EMC8: variants seen among roughly 807,000 people sequenced by gnomAD.
The protein encoded by EMC8 is COX4 neighbor.
In EMC8, 11 loss-of-function variants were observed where a neutral mutation model predicts 24.3. The ratio of observed to expected loss-of-function variants is 0.45; its 90% CI spans 0.28 to 0.75. EMC8 has a LOEUF of 0.75. Ranked by LOEUF, EMC8 falls within the 30% of genes least tolerant of loss-of-function variation. EMC8 has a pLI of 0.12. For missense variants in EMC8, 277 were observed against 282.7 expected, an observed-to-expected ratio of 0.98 and a Z score of 0.14; for synonymous variants, 145 against 117.7, an observed-to-expected ratio of 1.23 and a Z score of -1.50.
chr16:85,799,168 G>A lies in EMC8; in HGVS notation c.128C>T (p.Pro43Leu). Residue 43 changes from proline (P) to leucine (L), a missense_variant, in exon 1 of 5, where the codon CCC becomes CTC. Transcript: ENST00000253457. The surrounding 1 kb of genome is among the most constrained non-coding windows in gnomAD (Gnocchi z 4.2). ...GTGGTGGGCGCCGGGGCCGCCCAGG[G>A]GGAGGTGCTCCTTACGCGGCTTCTG... is the stretch of plus-strand genomic sequence containing the variant. The part of the protein sequence containing the change: ...EKQKPRKEHL[P>L]LGGPGAHHTL... The A allele has an allele frequency of 2.5e-6, 4 of 1,611,162 alleles. No homozygotes were observed. The highest frequency in any genetic ancestry group is 3.4e-6 in the Non-Finnish European group (4 of 1,178,952).
At chr16:85,783,588 G>C (rs1360240619) in intron 2 of EMC8, among the ~76,000 whole-genome samples, 1 of 152,192 alleles carries the variant, frequency 6.6e-6, no homozygotes, top group Non-Finnish European at 1.5e-5. Context: ...CAAGATGAAG[G>C]CTGCTATTCT....
At chr16:85,784,999 G>C (rs1415353880) in intron 2 of EMC8, 1 of 152,226 alleles carries the variant, frequency 6.6e-6, no homozygotes, top group East Asian at 1.9e-4. Flanking sequence ...CCAGGCTGGA[G>C]TACAGTGGCG....
chr16:85,781,086 C>T (rs1184918151), intron 3 of EMC8, 125 bp downstream of exon 3: 13 of 669,870 alleles, frequency 1.9e-5, no homozygotes, highest in Middle Eastern at 4.0e-4. Context: ...CTGCAAGAGG[C>T]GGCAATGGTC....
At chr16:85,780,164 T>C (rs1904420187) in intron 4 of EMC8, 1 of 603,992 alleles carries the variant, frequency 1.7e-6, no homozygotes, top group East Asian at 2.8e-5. Flanking sequence ...GTCTGTGCTC[T>C]AGCGCCTGGG....
intron 1 of EMC8, among the ~76,000 whole-genome samples, chr16:85,794,882 G>C (rs1275768821): frequency 6.6e-6 from 1 of 152,230 alleles, no homozygotes. Flanking sequence ...AGCAAGGTCA[G>C]AGTGGGCCCC....
chr16:85,790,198 G>GT (rs1904940632), intron 1 of EMC8, among the ~76,000 whole-genome samples: 1 of 151,610 alleles, frequency 6.6e-6, no homozygotes, highest in Non-Finnish European at 1.5e-5. Flanking sequence ...GGATGTGTGT[G>GT]TTTTTTAAAC....
At position 85,780,411 on chromosome 16, in the gene EMC8, A is replaced by G. The variant is rs1429155558; in HGVS notation, c.441T>C (p.His147=). Residue 147 remains histidine, a synonymous_variant, in exon 4 of 5, where the codon CAT becomes CAC. Coordinates refer to ENST00000253457, the MANE Select transcript of EMC8 (RefSeq NM_006067.5). ...VAPTIHVYEH[H]ENRWRCRDPH... ...GGTCTCTGCACCGCCATCTGTTCTC[A>G]TGGTGCTCGTACACGTGGATCGTAG... 5.6e-6 allele frequency: 9 copies of G among 1,613,976 alleles called. No individual in the cohort carries two copies. The highest frequency in any genetic ancestry group is 1.3e-5 in the African/African-American group (1 of 74,952).
intron 1 of EMC8, among the ~76,000 whole-genome samples, chr16:85,791,865 C>G (rs1282114380): frequency 6.6e-6 from 1 of 152,172 alleles, no homozygotes; most frequent in African/African-American, 2.4e-5. Context: ...CCAGGATATT[C>G]TCTCCACCCT....
At chr16:85,781,409 G>A in intron 2 of EMC8, 129 bp from the exon 3 acceptor site, 2 of 680,930 alleles carry the variant, frequency 2.9e-6, no homozygotes, top group Non-Finnish European at 2.7e-6. Flanking sequence ...GGCTGCACGT[G>A]CTCGCTTCGC....
intron 1 of EMC8, among the ~76,000 whole-genome samples, chr16:85,790,301 C>A (rs1173216717): frequency 6.6e-6 from 1 of 152,114 alleles, no homozygotes; most frequent in Non-Finnish European, 1.5e-5. Flanking sequence ...GTCCAAGGGT[C>A]CCTGCCTTGC....
chr16:85,787,755 G>A (rs1904820227), intron 2 of EMC8: 1 of 152,248 alleles, frequency 6.6e-6, no homozygotes, highest in Non-Finnish European at 1.5e-5. Context: ...TCAGCGGACT[G>A]ACTTTGAGTG....
intron 1 of EMC8, among the ~76,000 whole-genome samples, chr16:85,792,020 C>T (rs1385648732): frequency 6.6e-6 from 1 of 152,246 alleles, no homozygotes; most frequent in Non-Finnish European, 1.5e-5. Flanking sequence ...ATATTTTTTA[C>T]TTAGCTACAG....
At chr16:85,782,207 T>C (rs1273205289) in intron 2 of EMC8, among the ~76,000 whole-genome samples, 1 of 152,154 alleles carries the variant, frequency 6.6e-6, no homozygotes, top group African/African-American at 2.4e-5. Flanking sequence ...GCTTGTCCAC[T>C]GTAACAAGTA....
rs777251353 is a variant in EMC8, at chr16:85,790,150, A to AT, written c.232-1101dup. ...AAGAGGAAACAAAATTGGTACCTTG[A>AT]TTTTTTTTTTTTTGTAGGGAATAAA... On this transcript the variant is annotated intron_variant, in intron 1 of 4. Coordinates refer to ENST00000253457, the MANE Select transcript of EMC8 (RefSeq NM_006067.5). Among the ~76,000 whole-genome samples the AT allele has an allele frequency of 9.1e-3, 1,282 of 140,854 alleles. 2 individuals carry two copies. Among genetic ancestry groups the AT allele is most frequent in the African/African-American group, 0.015 (524 of 35,504 alleles). 92.4% of individuals were successfully genotyped at this position (140,854 alleles called of 152,430 possible). A position where few individuals can be genotyped will look rare whatever the true frequency, so the allele number is the denominator to read the frequency against.
intron 1 of EMC8, among the ~76,000 whole-genome samples, chr16:85,789,936 G>A (rs1221664127): frequency 2.6e-5 from 4 of 152,110 alleles, no homozygotes; most frequent in South Asian, 2.1e-4. Context: ...AGTTCTCTCC[G>A]GCGTGCTTTG....
chr16:85,781,675 C>T (rs142518787), intron 2 of EMC8: 147 of 169,050 alleles, frequency 8.7e-4, no homozygotes, highest in African/African-American at 3.7e-3. Context: ...TGGTCTTCAA[C>T]TCCTGGCCTC....
chr16:85,788,364 T>C (rs1302248559), intron 2 of EMC8, among the ~76,000 whole-genome samples: 1 of 152,268 alleles, frequency 6.6e-6, no homozygotes, highest in Non-Finnish European at 1.5e-5. Flanking sequence ...GGCCCAGGCC[T>C]TGTCAACAGC....
intron 2 of EMC8, 84 bp downstream of exon 2, chr16:85,788,890 A>G: frequency 3.2e-6 from 3 of 930,520 alleles, no homozygotes; most frequent in Non-Finnish European, 5.2e-6. Context: ...CAGGTTTCGT[A>G]TCTGGCCGAA....
chr16:85,779,580 G>T lies in EMC8; in HGVS notation c.*128C>A. 1 of 944,856 alleles carries T rather than the reference G, an allele frequency of 1.1e-6. No individual in the cohort carries two copies. Among genetic ancestry groups the T allele is most frequent in the Non-Finnish European group, 1.6e-6 (1 of 616,908 alleles). The allele number at this position is 944,856 out of a possible 1,614,324, so 58.5% of individuals were successfully genotyped here. ...GACTGAACATTCTGCCCCCTTTCAAGGCACATGCCACTTCTTAAAACGGTC... is the reference window on the plus strand; with the variant it reads ...GACTGAACATTCTGCCCCCTTTCAATGCACATGCCACTTCTTAAAACGGTC... On this transcript the variant is annotated 3_prime_UTR_variant, in exon 5 of 5. Transcript: ENST00000253457.
Sources: gnomAD v4.1 joint callset for allele counts (sites outside exome capture counted in the v4.1 genomes callset) on GRCh38, gnomAD v4.1.1 for gene constraint, Gnocchi (gnomAD v3.1) non-coding constraint, MANE v1.5 for transcripts, NCBI Gene and HGNC (gene_info 2026-07-23, HGNC 2026-07-21) for gene names.